PDE4D: variants seen among roughly 807,000 people sequenced by gnomAD.
PDE4D encodes the protein 3',5'-cyclic-AMP phosphodiesterase 4D.
PDE4D carries 24 observed loss-of-function variants against 87.4 expected under a neutral mutation model. The ratio of observed to expected loss-of-function variants is 0.27; its 90% CI spans 0.20 to 0.39. The LOEUF is 0.39. PDE4D is among the 10% of genes least tolerant of loss of function. The probability of loss-of-function intolerance (pLI) is 1.00; values close to 1 mark genes in which losing one functional copy is unlikely to be tolerated. For missense variants in PDE4D, 714 were observed against 1,041.0 expected (o/e 0.69, Z 4.32); for synonymous variants, 384 against 383.2 (o/e 1.00, Z -0.02).
chr5:60,219,789 G>A (rs971128292), intron 1 of PDE4D, among the ~76,000 whole-genome samples: 8 of 152,188 alleles, frequency 5.3e-5, no homozygotes, highest in African/African-American at 1.2e-4. Context: ...TGCAGAGCAC[G>A]CAAAGTGTGG....
chr5:60,451,034 G>A (rs775831130), intron 1 of PDE4D, among the ~76,000 whole-genome samples: 1 of 152,020 alleles, frequency 6.6e-6, no homozygotes, highest in Non-Finnish European at 1.5e-5. Flanking sequence ...AAGCATTAAA[G>A]ATAGTGCTCT....
At position 59,839,075 on chromosome 5, in the gene PDE4D, A is replaced by T. The variant is rs192886118; in HGVS notation, c.455+54093T>A. Among the ~76,000 whole-genome samples the T allele has an allele frequency of 3.4e-3, 514 of 152,096 alleles. 3 individuals carry two copies. Among genetic ancestry groups the T allele is most frequent in the South Asian group, 0.025 (119 of 4,808 alleles). On this transcript the variant is annotated intron_variant, in intron 1 of 14. Transcript: ENST00000340635. ...AGCCCTCAGGATCCCTGCTGCCTGC[A>T]TGACTGAACAGCAGATGAAACACAC...
chr5:59,421,335 T>C (rs1030453617), intron 1 of PDE4D, among the ~76,000 whole-genome samples: 7 of 152,168 alleles, frequency 4.6e-5, no homozygotes, highest in African/African-American at 1.7e-4. Context: ...TGAATATTGC[T>C]ATAGCAATGA....
intron 1 of PDE4D, among the ~76,000 whole-genome samples, chr5:59,485,519 T>A (rs1804983460): frequency 6.6e-6 from 1 of 152,192 alleles, no homozygotes; most frequent in South Asian, 2.1e-4. Context: ...ATAAACTCTC[T>A]TCTCAAGAAT....
chr5:60,041,536 G>A (rs529695304), intron 2 of PDE4D, among the ~76,000 whole-genome samples: 21 of 152,254 alleles, frequency 1.4e-4, no homozygotes, highest in East Asian at 7.7e-4. Flanking sequence ...GAACAGCTCC[G>A]GTCTGCAGCT....
In PDE4D at chr5:60,425,230, A is replaced by G. The variant is rs181355683; in HGVS notation, c.-90+62712T>C. Among the ~76,000 whole-genome samples the G allele has an allele frequency of 5.4e-3, 815 of 152,328 alleles. 6 individuals carry two copies. The highest frequency in any genetic ancestry group is 0.019 in the African/African-American group (793 of 41,558). On this transcript the variant is annotated intron_variant, in intron 1 of 16. Transcript: ENST00000502484. Reference sequence around the variant, plus strand: ...AAAAAGAGCCCACGTTGCCAAGACAATCCTAAGCCAACAGAAGAAAGCTGG... The same window carrying G: ...AAAAAGAGCCCACGTTGCCAAGACAGTCCTAAGCCAACAGAAGAAAGCTGG...
intron 5 of PDE4D, among the ~76,000 whole-genome samples, chr5:59,070,646 T>C (rs567782742): frequency 1.3e-5 from 2 of 152,350 alleles, no homozygotes; most frequent in East Asian, 3.9e-4. Context: ...GCAGCTAAAC[T>C]ATGTAACATA....
chr5:59,897,928 T>C (rs1751835420), upstream of PDE4D, among the ~76,000 whole-genome samples: 4 of 152,328 alleles, frequency 2.6e-5, 1 homozygote, highest in South Asian at 8.3e-4. Flanking sequence ...GGATATTTCC[T>C]TGAGATATAT....
At chr5:59,534,606 C>A (rs1814814039) in intron 1 of PDE4D, among the ~76,000 whole-genome samples, 1 of 152,136 alleles carries the variant, frequency 6.6e-6, no homozygotes, top group Non-Finnish European at 1.5e-5. Context: ...TGAAAGTACC[C>A]CATTACCAAG....
intron 1 of PDE4D, among the ~76,000 whole-genome samples, chr5:59,318,016 C>T (rs1226576679): frequency 6.6e-6 from 1 of 152,106 alleles, no homozygotes; most frequent in Non-Finnish European, 1.5e-5. Flanking sequence ...GATCTTACTT[C>T]CTCCTTTTAA....
chr5:60,482,234 C>A (rs1483172982), intron 1 of PDE4D, among the ~76,000 whole-genome samples: 2 of 152,066 alleles, frequency 1.3e-5, no homozygotes, highest in Non-Finnish European at 2.9e-5. Context: ...GAGAAGTCAG[C>A]CACTTGCAAC....
intron 1 of PDE4D, among the ~76,000 whole-genome samples, chr5:59,380,795 T>A (rs1785649933): frequency 2.1e-5 from 2 of 95,996 alleles, no homozygotes; most frequent in African/African-American, 8.1e-5. Flanking sequence ...TCTCTAAAGT[T>A]TACTTAATTT....
rs368667891 is a variant in PDE4D, at chr5:59,186,032, G to A, written c.685-770C>T. ...GCCAACGGACTGGAAGTGAGCCTAG[G>A]AGAAGGTTCCTAGAGCCTTATCTCC... is the stretch of plus-strand genomic sequence containing the variant. On this transcript the variant is annotated intron_variant, in intron 3 of 14. Transcript: ENST00000340635. Among the ~76,000 whole-genome samples the A allele has an allele frequency of 2.0e-5, 3 of 152,290 alleles. No homozygotes were observed. The East Asian group carries it at 5.8e-4, about 29-fold the overall frequency.
chr5:60,507,660 AT>A (rs1424125291), intron 1 of PDE4D, among the ~76,000 whole-genome samples: 6 of 152,126 alleles, frequency 3.9e-5, no homozygotes, highest in Non-Finnish European at 8.8e-5. Context: ...AAAAAAAAAA[AT>A]CTTCTGCTAG....
chr5:59,164,095 A>C (rs1781546858), intron 5 of PDE4D, among the ~76,000 whole-genome samples: 1 of 152,230 alleles, frequency 6.6e-6, no homozygotes, highest in African/African-American at 2.4e-5. Context: ...AATGAGTCTT[A>C]ATTGCTTGCA....
chr5:59,809,095 G>A (rs1240771774), intron 1 of PDE4D, among the ~76,000 whole-genome samples: 1 of 152,192 alleles, frequency 6.6e-6, no homozygotes, highest in Non-Finnish European at 1.5e-5. Context: ...AAGTCGAAGA[G>A]TTGTGCTTTA....
At chr5:59,814,030 C>T (rs573268673) in intron 1 of PDE4D, among the ~76,000 whole-genome samples, 6 of 152,094 alleles carry the variant, frequency 3.9e-5, no homozygotes, top group South Asian at 2.1e-4. Flanking sequence ...CTTAGGAAGA[C>T]GAGATAATTT....
At chr5:60,117,902 C>T (rs1778312596) in intron 2 of PDE4D, among the ~76,000 whole-genome samples, 1 of 151,880 alleles carries the variant, frequency 6.6e-6, no homozygotes, top group Non-Finnish European at 1.5e-5. Flanking sequence ...ATCATTTCTT[C>T]CACCCCCTCA....
chr5:59,241,383 G>T (rs1455699024), intron 1 of PDE4D, among the ~76,000 whole-genome samples: 1 of 152,200 alleles, frequency 6.6e-6, no homozygotes, highest in African/African-American at 2.4e-5. Context: ...TGGCAGTCAT[G>T]GATGCTCTCT....
Sources: allele counts gnomAD v4.1 joint callset (sites outside exome capture counted in the v4.1 genomes callset), GRCh38; gene constraint gnomAD v4.1.1; transcripts MANE v1.5; gene names NCBI Gene and HGNC (gene_info 2026-07-23, HGNC 2026-07-21).